The following CCDC85A variants were observed in gnomAD, a reference collection of about 807,000 sequenced individuals.
CCDC85A encodes coiled-coil domain containing 85A.
CCDC85A carries 38 observed loss-of-function variants against 50.2 expected under a neutral mutation model. The ratio of observed to expected loss-of-function variants is 0.76; its 90% CI spans 0.58 to 0.99. CCDC85A has a LOEUF of 0.99. CCDC85A is among the 50% of genes least tolerant of loss of function. CCDC85A has a pLI of 0.00. For synonymous variants in CCDC85A, 366 were observed against 301.4 expected, an observed-to-expected ratio of 1.21 and a Z score of -2.22; for missense variants, 820 against 742.0, an observed-to-expected ratio of 1.11 and a Z score of -1.22.
intron 2 of CCDC85A, among the ~76,000 whole-genome samples, chr2:56,243,506 TA>T (rs1669358369): frequency 6.6e-6 from 1 of 152,192 alleles, no homozygotes; most frequent in Admixed American, 6.5e-5. Flanking sequence ...ATTTCTTTGT[TA>T]AATTTATCTG....
In CCDC85A at chr2:56,317,551, C is replaced by T. The variant is rs577967899; in HGVS notation, c.1241-25328C>T. On this transcript the variant is annotated intron_variant, in intron 2 of 5. Transcript: ENST00000407595. ...ATCTGTCCCCAGACTCTTCTTTTTC[C>T]TCATTAAGAGGAAATTTCACGTGAA... Among the ~76,000 whole-genome samples the T allele has an allele frequency of 6.6e-5, 10 of 152,116 alleles. 1 individual carries two copies. The South Asian group carries it at 2.1e-3, about 32-fold the overall frequency.
intron 2 of CCDC85A, among the ~76,000 whole-genome samples, chr2:56,209,034 C>A (rs753736539): frequency 1.1e-4 from 17 of 152,030 alleles, no homozygotes; most frequent in Non-Finnish European, 2.2e-4. Context: ...AGGAAGAAAT[C>A]TTTTGGTCAT....
At chr2:56,333,015 G>A (rs1673890835) in intron 2 of CCDC85A, among the ~76,000 whole-genome samples, 1 of 152,168 alleles carries the variant, frequency 6.6e-6, no homozygotes, top group South Asian at 2.1e-4. Flanking sequence ...ACTATTCTAG[G>A]CACTCAACTA....
rs80173467 is a variant in CCDC85A at position 56,260,892 on chromosome 2, G to C, written c.1240+67452G>C. On this transcript the variant is annotated intron_variant, in intron 2 of 5. Transcript: ENST00000407595. ...TATTGCTTGAGGGAGTTTAACCTTT[G>C]ATTATTAGAACTCCTATTTCTTATA... Among the ~76,000 whole-genome samples, 736 of 152,262 alleles carry C rather than the reference G, an allele frequency of 4.8e-3. 5 individuals are homozygous for C. The highest frequency in any genetic ancestry group is 0.012 in the African/African-American group (517 of 41,558).
intron 3 of CCDC85A, among the ~76,000 whole-genome samples, chr2:56,365,775 T>C (rs1415209784): frequency 6.6e-6 from 1 of 152,180 alleles, no homozygotes; most frequent in Non-Finnish European, 1.5e-5. Flanking sequence ...GAGAACACTT[T>C]ACATCCACTT....
At chr2:56,301,265 T>G (rs930554332) in intron 2 of CCDC85A, among the ~76,000 whole-genome samples, 1 of 152,166 alleles carries the variant, frequency 6.6e-6, no homozygotes, top group Admixed American at 6.6e-5. Context: ...TGTAAATGTG[T>G]GGTGTGTGTC....
At chr2:56,338,284 A>G (rs1468711244) in intron 2 of CCDC85A, among the ~76,000 whole-genome samples, 3 of 152,154 alleles carry the variant, frequency 2.0e-5, no homozygotes, top group Non-Finnish European at 4.4e-5. Context: ...CTTTCTATTA[A>G]TGACTTTATG....
chr2:56,367,783 G>A (rs927970145), intron 3 of CCDC85A, among the ~76,000 whole-genome samples: 7 of 152,104 alleles, frequency 4.6e-5, no homozygotes, highest in Non-Finnish European at 1.0e-4. Flanking sequence ...ATGTTGACAA[G>A]CAAAGCAAAA....
intron 2 of CCDC85A, among the ~76,000 whole-genome samples, chr2:56,293,994 A>G (rs1253525553): frequency 2.6e-5 from 4 of 152,214 alleles, no homozygotes; most frequent in Non-Finnish European, 5.9e-5. Context: ...TGCTATAAAG[A>G]TACATATACA....
intron 2 of CCDC85A, among the ~76,000 whole-genome samples, chr2:56,218,976 T>G (rs1668202806): frequency 1.3e-5 from 2 of 151,698 alleles, no homozygotes; most frequent in Admixed American, 6.6e-5. Context: ...ACTTACGTGT[T>G]TAGTCTATGA....
At chr2:56,293,064 G>T (rs1175088560) in intron 2 of CCDC85A, among the ~76,000 whole-genome samples, 1 of 152,170 alleles carries the variant, frequency 6.6e-6, no homozygotes, top group African/African-American at 2.4e-5. Flanking sequence ...CCCCCAGCTG[G>T]AGAAGACCAG....
chr2:56,319,208 A>G, intron 2 of CCDC85A, among the ~76,000 whole-genome samples: 1 of 152,140 alleles, frequency 6.6e-6, no homozygotes, highest in Non-Finnish European at 1.5e-5. Context: ...AATCTGTACA[A>G]CAACCTTGTG....
chr2:56,368,218 T>G (rs1472197921), intron 3 of CCDC85A, among the ~76,000 whole-genome samples: 1 of 152,238 alleles, frequency 6.6e-6, no homozygotes. Context: ...GATTCTTTAG[T>G]TAATTTAAAT....
intron 2 of CCDC85A, among the ~76,000 whole-genome samples, chr2:56,203,365 GTT>G (rs5831404): frequency 2.1e-5 from 3 of 146,090 alleles, no homozygotes; most frequent in South Asian, 4.4e-4. Flanking sequence ...TGAAAATTGT[GTT>G]TTTTTTTTTT....
At chr2:56,253,860 A>G (rs1166308997) in intron 2 of CCDC85A, among the ~76,000 whole-genome samples, 1 of 152,178 alleles carries the variant, frequency 6.6e-6, no homozygotes, top group Non-Finnish European at 1.5e-5. Context: ...TAGCTTAAAT[A>G]AAATGTTTCC....
At chr2:56,305,128 T>C (rs1227941344) in intron 2 of CCDC85A, among the ~76,000 whole-genome samples, 4 of 151,684 alleles carry the variant, frequency 2.6e-5, no homozygotes, top group Non-Finnish European at 4.4e-5. Context: ...TAGGATATTA[T>C]CCTCAGGATA....
chr2:56,300,835 G>A (rs1190417029), intron 2 of CCDC85A, among the ~76,000 whole-genome samples: 6 of 152,168 alleles, frequency 3.9e-5, no homozygotes, highest in African/African-American at 1.4e-4. Context: ...TACTGAACAT[G>A]ATTGCCTTTG....
At chr2:56,279,207 G>T (rs1309672148) in intron 2 of CCDC85A, among the ~76,000 whole-genome samples, 2 of 152,064 alleles carry the variant, frequency 1.3e-5, no homozygotes, top group Non-Finnish European at 2.9e-5. Context: ...CAAGGTCTTT[G>T]GGAATTTGCA....
chr2:56,214,415 T>A (rs544430849), intron 2 of CCDC85A, among the ~76,000 whole-genome samples: 10 of 152,094 alleles, frequency 6.6e-5, no homozygotes, highest in Admixed American at 3.3e-4. Flanking sequence ...CCCCACCACT[T>A]GGACACTGTA....
Sources: gnomAD v4.1 joint callset for allele counts (sites outside exome capture counted in the v4.1 genomes callset) on GRCh38, gnomAD v4.1.1 for gene constraint, MANE v1.5 for transcripts, NCBI Gene and HGNC (gene_info 2026-07-23, HGNC 2026-07-21) for gene names.